CACNA1A: variants seen among roughly 807,000 people sequenced by gnomAD.
CACNA1A encodes voltage-dependent P/Q-type calcium channel subunit alpha-1A.
In CACNA1A, 57 loss-of-function variants were observed where a neutral mutation model predicts 262.4. That is an observed-to-expected ratio of 0.22 (90% CI 0.18 to 0.27). The LOEUF is 0.27. Ranked by LOEUF, CACNA1A falls within the 10% of genes least tolerant of loss-of-function variation. The pLI is 1.00. For missense variants in CACNA1A, 2,526 were observed against 3,562.8 expected, an observed-to-expected ratio of 0.71 and a Z score of 7.41; for synonymous variants, 1,431 against 1,419.3, an observed-to-expected ratio of 1.01 and a Z score of -0.18.
intron 1 of CACNA1A, among the ~76,000 whole-genome samples, chr19:13,466,073 T>G (rs2061230477): frequency 6.6e-6 from 1 of 152,176 alleles, no homozygotes; most frequent in Non-Finnish European, 1.5e-5. Flanking sequence ...GTGAAAATGT[T>G]CTGGAGCTAG....
At chr19:13,381,925 G>A (rs1487439310) in intron 3 of CACNA1A, among the ~76,000 whole-genome samples, 1 of 152,134 alleles carries the variant, frequency 6.6e-6, no homozygotes, top group Admixed American at 6.6e-5. Flanking sequence ...TGTGAGCCAT[G>A]GAGGGTTCTG....
chr19:13,215,947 G>GT (rs1463081402), intron 38 of CACNA1A, among the ~76,000 whole-genome samples: 1 of 152,026 alleles, frequency 6.6e-6, no homozygotes, highest in Admixed American at 6.5e-5. Flanking sequence ...TTGAGACAGG[G>GT]TTTTGCTCTG....
At chr19:13,292,517 G>T (rs2057565619) in intron 19 of CACNA1A, among the ~76,000 whole-genome samples, 1 of 152,132 alleles carries the variant, frequency 6.6e-6, no homozygotes, top group African/African-American at 2.4e-5. Context: ...GGGAGGCTGA[G>T]GTGGGAGAAT....
intron 24 of CACNA1A, chr19:13,274,357 C>A (rs967651443): frequency 6.6e-6 from 1 of 152,152 alleles, no homozygotes; most frequent in African/African-American, 2.4e-5. Flanking sequence ...TTTTGGCCCT[C>A]CTGACAAACC....
chr19:13,250,619 A>G (rs1416739772), intron 30 of CACNA1A, among the ~76,000 whole-genome samples: 1 of 151,738 alleles, frequency 6.6e-6, no homozygotes, highest in East Asian at 2.0e-4. Context: ...GGTGGTCTGG[A>G]TCTCTTGACC....
At chr19:13,338,562 T>C (rs2058618495) in intron 6 of CACNA1A, among the ~76,000 whole-genome samples, 1 of 80,200 alleles carries the variant, frequency 1.2e-5, no homozygotes, top group South Asian at 4.4e-4. Flanking sequence ...ATACATGCAA[T>C]GAACAATGCC....
chr19:13,276,663 T>G (rs1305578631), intron 23 of CACNA1A, among the ~76,000 whole-genome samples: 1 of 151,458 alleles, frequency 6.6e-6, no homozygotes, highest in Non-Finnish European at 1.5e-5. Flanking sequence ...AGGGGGGCAT[T>G]CTTGGAGGCT....
intron 30 of CACNA1A, among the ~76,000 whole-genome samples, chr19:13,247,707 T>TAA (rs1265747832): frequency 1.5e-4 from 16 of 104,700 alleles, no homozygotes; most frequent in South Asian, 1.3e-3. Context: ...CAAAAATAAA[T>TAA]AAATAAAAAT....
At chr19:13,322,151 G>A (rs1336115724) in intron 10 of CACNA1A, among the ~76,000 whole-genome samples, 1 of 148,042 alleles carries the variant, frequency 6.8e-6, no homozygotes, top group Non-Finnish European at 1.5e-5. Context: ...GTAGTGAGCT[G>A]TGATCGTGCC....
intron 27 of CACNA1A, chr19:13,258,914 T>C (rs999411868): frequency 6.6e-6 from 1 of 152,064 alleles, no homozygotes; most frequent in Non-Finnish European, 1.5e-5. Flanking sequence ...AAGTCCATGA[T>C]GAACAAATAT....
chr19:13,397,430 A>G (rs73922382), intron 3 of CACNA1A, among the ~76,000 whole-genome samples: 4,093 of 152,272 alleles, frequency 0.027, 163 homozygotes, highest in African/African-American at 0.086. Flanking sequence ...AGGGTGGAAG[A>G]AGATAGGAAT....
chr19:13,247,415 C>A (rs1032582134), intron 30 of CACNA1A, among the ~76,000 whole-genome samples: 1 of 152,138 alleles, frequency 6.6e-6, no homozygotes, highest in African/African-American at 2.4e-5. Flanking sequence ...TTCAGGGGGC[C>A]GGGCGCGGTG....
intron 8 of CACNA1A, 47 bp downstream of exon 8, chr19:13,334,331 G>A (rs767940320): frequency 2.0e-6 from 2 of 994,846 alleles, no homozygotes; most frequent in South Asian, 2.5e-5. Flanking sequence ...TTTGTACTCC[G>A]TGGCCTGGGA....
intron 15 of CACNA1A, among the ~76,000 whole-genome samples, chr19:13,305,294 G>A (rs1443932929): frequency 6.6e-6 from 1 of 152,104 alleles, no homozygotes; most frequent in Admixed American, 6.5e-5. Flanking sequence ...CAGTACTGCT[G>A]GACTGCAGTT....
chr19:13,351,239 G>A (rs1256550671), intron 6 of CACNA1A, among the ~76,000 whole-genome samples: 1 of 152,182 alleles, frequency 6.6e-6, no homozygotes, highest in Admixed American at 6.5e-5. Flanking sequence ...GGGCAGTGGG[G>A]AGTGAAGTTT....
chr19:13,254,651 C>G (rs186753012), intron 29 of CACNA1A, among the ~76,000 whole-genome samples: 9 of 152,238 alleles, frequency 5.9e-5, no homozygotes, highest in Non-Finnish European at 1.3e-4. Context: ...CATGAGCCAC[C>G]GCGCCCAGCC....
chr19:13,212,988 GCTC>G lies in CACNA1A; in HGVS notation c.5941-251_5941-249del, dbSNP rs1205370455. ...GCAGGCACCTTCTCCCAGGTCTCCC[GCTC>G]CTACCTTCAACCCCACTGTTCCACA... is the stretch of plus-strand genomic sequence containing the variant. On this transcript the variant is annotated intron_variant, in intron 40 of 46. Coordinates refer to ENST00000360228, the MANE Select transcript of CACNA1A (RefSeq NM_001127222.2). The surrounding 1 kb of genome is among the most constrained non-coding windows in gnomAD (Gnocchi z 5.6). 2.0e-5 allele frequency among the ~76,000 whole-genome samples: 3 copies of G among 151,968 alleles called. No individual in the cohort carries two copies. The highest frequency in any genetic ancestry group is 2.9e-5 in the Non-Finnish European group (2 of 67,992).
intron 22 of CACNA1A, among the ~76,000 whole-genome samples, chr19:13,278,560 C>G (rs1231960611): frequency 6.6e-6 from 1 of 152,144 alleles, no homozygotes; most frequent in Non-Finnish European, 1.5e-5. Flanking sequence ...GCCCACCACA[C>G]CCCCGGCCAC....
chr19:13,450,161 A>AG (rs2060889414), intron 3 of CACNA1A, among the ~76,000 whole-genome samples: 1 of 151,160 alleles, frequency 6.6e-6, no homozygotes, highest in African/African-American at 2.4e-5. Context: ...AAAAAAAAAA[A>AG]AGAGAAAGGT....
Sources: gnomAD v4.1 joint callset for allele counts (sites outside exome capture counted in the v4.1 genomes callset) on GRCh38, gnomAD v4.1.1 for gene constraint, Gnocchi (gnomAD v3.1) non-coding constraint, MANE v1.5 for transcripts, NCBI Gene and HGNC (gene_info 2026-07-23, HGNC 2026-07-21) for gene names.